Variants in SLC28A2 observed in about 807,000 individuals in gnomAD.
The protein encoded by SLC28A2 is sodium/nucleoside cotransporter 2.
A neutral mutation model predicts 72.9 loss-of-function variants in SLC28A2; 69 were observed. That is an observed-to-expected ratio of 0.95 (90% CI 0.78 to 1.16). The LOEUF is 1.16. Ranked by LOEUF, SLC28A2 falls within the 50% of genes most tolerant of loss-of-function variation. The pLI, the probability that SLC28A2 is intolerant of heterozygous loss-of-function variation, is 0.00. For synonymous variants in SLC28A2, 296 were observed against 294.1 expected, an observed-to-expected ratio of 1.01 and a Z score of -0.07; for missense variants, 745 against 791.1, an observed-to-expected ratio of 0.94 and a Z score of 0.70.
chr15:45,262,717 T>C lies in SLC28A2; in HGVS notation c.263-344T>C, dbSNP rs548420926. On this transcript the variant is annotated intron_variant, in intron 4 of 17. Transcript: ENST00000347644. ...GGGGTAATAAAGTTTCAAGGGGAGA[T>C]GACTGACTTTTGAAGAGTCTAATGG... Among the ~76,000 whole-genome samples the C allele has an allele frequency of 3.3e-5, 5 of 152,272 alleles. No individual in the cohort carries two copies. The East Asian group carries it at 7.7e-4, about 23-fold the overall frequency.
At chr15:45,273,475 G>A (rs1434812304) in intron 17 of SLC28A2, among the ~76,000 whole-genome samples, 1 of 152,132 alleles carries the variant, frequency 6.6e-6, no homozygotes, top group East Asian at 1.9e-4. Context: ...AAATCAAAAG[G>A]TGTGTGTGTA....
Position 45,275,743 on chromosome 15 carries a change from G to C in SLC28A2, c.*230G>C, listed in dbSNP as rs952501289. ...AAGGTCAGGAGATCGAGACCATCCT[G>C]GCTAACACAGTGAAACCCCGTCTCT... On this transcript the variant is annotated 3_prime_UTR_variant, in exon 18 of 18. Transcript: ENST00000347644. 4 of 348,588 alleles carry C rather than the reference G, an allele frequency of 1.1e-5. No homozygotes were observed. The East Asian group carries it at 1.6e-4, about 14-fold the overall frequency. The allele number at this position is 348,588 out of a possible 1,614,324, so 21.6% of individuals were successfully genotyped here.
chr15:45,271,081 G>A (rs971500351), intron 15 of SLC28A2, among the ~76,000 whole-genome samples: 25 of 152,234 alleles, frequency 1.6e-4, no homozygotes, highest in African/African-American at 6.0e-4. Flanking sequence ...TAAAGTGTTG[G>A]ATTTAAATAT....
intron 9 of SLC28A2, 154 bp from the exon 10 acceptor site, chr15:45,265,927 C>A: frequency 1.6e-6 from 1 of 644,510 alleles, no homozygotes; most frequent in Admixed American, 2.7e-5. Context: ...CTGGTCAAGG[C>A]TCTGTTTCTA....
In SLC28A2 at chr15:45,270,227, C is replaced by T. The variant is rs755694355; in HGVS notation, c.1599C>T (p.Leu533=). The change falls in exon 15 of 18, where the codon CTC becomes CTT. Residue 533 remains leucine, a synonymous_variant. Transcript: ENST00000347644. The part of the protein sequence containing the change: ...VRAEIITTFS[L]CGFANLSSIG... ...CTGAAATCATTACAACATTTTCACTCTGTGGATTTGCCAATCTTAGTTCCA... is the reference window on the plus strand; with the variant it reads ...CTGAAATCATTACAACATTTTCACTTTGTGGATTTGCCAATCTTAGTTCCA... 46 of 1,613,666 alleles carry T rather than the reference C, an allele frequency of 2.9e-5. No individual in the cohort carries two copies. The highest frequency in any genetic ancestry group is 3.6e-5 in the Non-Finnish European group (42 of 1,179,660).
At position 45,274,671 on chromosome 15, in the gene SLC28A2, A is replaced by T. The variant is rs77599807; in HGVS notation, c.1860-725A>T. Among the ~76,000 whole-genome samples, 1,495 of 152,228 alleles carry T rather than the reference A, an allele frequency of 9.8e-3. 31 individuals are homozygous for T. The highest frequency in any genetic ancestry group is 0.034 in the African/African-American group (1,397 of 41,534). ...GAGAAGGCAACTAACATATTTTTTT[A>T]AAAATTCTTTTGATGCACTATTAAA... is the stretch of plus-strand genomic sequence containing the variant. On this transcript the variant is annotated intron_variant, in intron 17 of 17. Transcript: ENST00000347644.
chr15:45,264,528 A>AT, intron 6 of SLC28A2, 127 bp from the exon 7 acceptor site: 1 of 656,140 alleles, frequency 1.5e-6, no homozygotes, highest in South Asian at 1.8e-5. Flanking sequence ...CCTGCTCCCT[A>AT]TGCCATCAGA....
rs868114845 is a variant in SLC28A2 at position 45,272,755 on chromosome 15, C to G, written c.1830C>G (p.Thr610=). The G allele has an allele frequency of 2.7e-5, 44 of 1,610,014 alleles. No individual in the cohort carries two copies. In the Middle Eastern group the frequency reaches 2.1e-3, roughly 78 times the overall value. ...GTTTCACCAATAGAACCTATGAGAC[C>G]TACATGTGCTGCAGAGGGCTCTTTC... ...NTSFTNRTYE[T]YMCCRGLFQS... Residue 610 remains threonine (T), a synonymous_variant, in exon 17 of 18, where the codon ACC becomes ACG. Transcript: ENST00000347644.
At chr15:45,268,978 G>A (rs1007682906) in intron 13 of SLC28A2, among the ~76,000 whole-genome samples, 5 of 141,012 alleles carry the variant, frequency 3.5e-5, no homozygotes, top group African/African-American at 1.3e-4. Context: ...GGGAACACAT[G>A]GACACAGGAA....
chr15:45,270,504 T>C (rs1567062100), intron 15 of SLC28A2, among the ~76,000 whole-genome samples: 1 of 152,180 alleles, frequency 6.6e-6, no homozygotes, highest in African/African-American at 2.4e-5. Flanking sequence ...TTCCTTTGGA[T>C]TGGAGGCCCC....
intron 4 of SLC28A2, 23 bp from the exon 5 acceptor site, chr15:45,263,038 T>C: frequency 6.2e-7 from 1 of 1,601,484 alleles, no homozygotes; most frequent in Non-Finnish European, 8.5e-7. Context: ...TGCTGATCTT[T>C]ACTCTGCTTC....
Position 45,272,333 on chromosome 15 carries a change from G to A in SLC28A2, c.1687G>A (p.Val563Ile), listed in dbSNP as rs773136408. ...VPHRKSDLSK[V>I]VVRALFTGAC... is the part of the protein sequence containing the mutation. ...TCACCGGAAGAGTGACTTGTCCAAGGTTGTGGTCAGGGCCCTCTTCACAGG... is the reference window on the plus strand; with the variant it reads ...TCACCGGAAGAGTGACTTGTCCAAGATTGTGGTCAGGGCCCTCTTCACAGG... Residue 563 changes from valine to isoleucine, a missense_variant, in exon 16 of 18, where the codon GTT becomes ATT. Coordinates refer to ENST00000347644, the MANE Select transcript of SLC28A2 (RefSeq NM_004212.4). The A allele has an allele frequency of 1.9e-6, 3 of 1,613,982 alleles. No individual in the cohort carries two copies. Among genetic ancestry groups the A allele is most frequent in the Admixed American group, 3.3e-5 (2 of 60,024 alleles).
At chr15:45,258,395 T>G (rs979980193) in intron 3 of SLC28A2, among the ~76,000 whole-genome samples, 1 of 152,130 alleles carries the variant, frequency 6.6e-6, no homozygotes, top group Non-Finnish European at 1.5e-5. Context: ...TAAGCCTTAA[T>G]GAATTTTCAC....
Position 45,267,928 on chromosome 15 carries a change from G to A in SLC28A2, c.1199+132G>A. 4 of 1,173,708 alleles carry A rather than the reference G, an allele frequency of 3.4e-6. No individual in the cohort carries two copies. In the South Asian group the frequency reaches 5.6e-5, roughly 17 times the overall value. The allele number at this position is 1,173,708 out of a possible 1,614,324, so 72.7% of individuals were successfully genotyped here. ...ATATTCCTTCTTGCCTATCTCTGGT[G>A]CTTGCTAATCATGCTGGTTTTCTTC... On this transcript the variant is annotated intron_variant, in intron 12 of 17. Transcript: ENST00000347644.
At position 45,267,532 on chromosome 15, in the gene SLC28A2, G is replaced by A. The variant is rs942368586; in HGVS notation, c.1020G>A (p.Gly340=). ...LSEIHAVMTG[G]FATISGTVLG... is the part of the protein sequence containing the mutation. ...AAATCCATGCGGTGATGACTGGAGG[G>A]TTTGCCACCATTTCTGGCACTGTGC... Residue 340 remains glycine (G), a synonymous_variant, in exon 11 of 18, where the codon GGG becomes GGA. Transcript: ENST00000347644. The A allele has an allele frequency of 1.5e-5, 24 of 1,614,120 alleles. No homozygotes were observed. Among genetic ancestry groups the A allele is most frequent in the Non-Finnish European group, 1.9e-5 (23 of 1,180,002 alleles).
intron 5 of SLC28A2, 114 bp downstream of exon 5, chr15:45,263,358 C>T (rs1463349219): frequency 1.0e-6 from 1 of 989,972 alleles, no homozygotes; most frequent in Non-Finnish European, 1.5e-6. Context: ...TTTTCAGAAC[C>T]AAAGCGCAGA....
chr15:45,265,709 T>A lies in SLC28A2; in HGVS notation c.861+46T>A, dbSNP rs373592818. ...AGTCAGGAGACAGGCCTTCATCCTG[T>A]CATCAGTCAGCTTTGGAAAAATGCC... On this transcript the variant is annotated intron_variant, in intron 9 of 17. Coordinates refer to ENST00000347644, the MANE Select transcript of SLC28A2 (RefSeq NM_004212.4). The A allele has an allele frequency of 3.1e-6, 4 of 1,306,640 alleles. No individual in the cohort carries two copies. In the African/African-American group the frequency reaches 5.8e-5, roughly 19 times the overall value. The allele number at this position is 1,306,640 out of a possible 1,614,324, so 80.9% of individuals were successfully genotyped here.
At chr15:45,254,454 C>G (rs921936713) in intron 3 of SLC28A2, among the ~76,000 whole-genome samples, 4 of 152,150 alleles carry the variant, frequency 2.6e-5, no homozygotes, top group African/African-American at 9.7e-5. Context: ...TACCATTGTG[C>G]TATAGTTGCC....
chr15:45,259,656 G>A (rs75745625), intron 3 of SLC28A2, among the ~76,000 whole-genome samples: 161 of 152,116 alleles, frequency 1.1e-3, no homozygotes, highest in African/African-American at 3.7e-3. Context: ...ATTATGGGCC[G>A]GGCACTTGTT....
Sources: gnomAD v4.1 joint callset for allele counts (sites outside exome capture counted in the v4.1 genomes callset) on GRCh38, gnomAD v4.1.1 for gene constraint, MANE v1.5 for transcripts, NCBI Gene and HGNC (gene_info 2026-07-23, HGNC 2026-07-21) for gene names.